Variants in ITGAM observed in about 807,000 individuals in gnomAD.
ITGAM encodes the protein integrin alpha-M.
In ITGAM, 79 loss-of-function variants were observed where a neutral mutation model predicts 137.5. The ratio of observed to expected loss-of-function variants is 0.57; its 90% CI spans 0.48 to 0.69. The LOEUF (loss-of-function observed/expected upper bound fraction) is 0.69, where lower values mean the gene tolerates loss of function less well. Among genes scored for constraint, ITGAM ranks in the 30% least tolerant of loss-of-function variants. The pLI, the probability that ITGAM is intolerant of heterozygous loss-of-function variation, is 0.00. For synonymous variants in ITGAM, 583 were observed against 592.3 expected, an observed-to-expected ratio of 0.98 and a Z score of 0.23; for missense variants, 1,343 against 1,483.5, an observed-to-expected ratio of 0.91 and a Z score of 1.56.
Position 31,259,975 on chromosome 16 carries a change from C to A in ITGAM, c.-90C>A. 1 of 1,113,788 alleles carries A rather than the reference C, an allele frequency of 9.0e-7. No homozygotes were observed. The highest frequency in any genetic ancestry group is 1.3e-6 in the Non-Finnish European group (1 of 746,616). 69.0% of individuals were successfully genotyped at this position (1,113,788 alleles called of 1,614,324 possible). ...CTGCCTCCTACTTCTCCTTTTCTGCCCTTCTTTGCTTTGGTGGCTTCCTTG... is the reference window on the plus strand; with the variant it reads ...CTGCCTCCTACTTCTCCTTTTCTGCACTTCTTTGCTTTGGTGGCTTCCTTG... On this transcript the variant is annotated 5_prime_UTR_variant, in exon 1 of 30. Coordinates refer to ENST00000544665, the MANE Select transcript of ITGAM (RefSeq NM_000632.4).
At chr16:31,282,547 T>C (rs1293348458) in intron 12 of ITGAM, among the ~76,000 whole-genome samples, 1 of 152,122 alleles carries the variant, frequency 6.6e-6, no homozygotes, top group Non-Finnish European at 1.5e-5. Flanking sequence ...CAACCCCTGG[T>C]TTTTTCTGTT....
At chr16:31,289,050 A>G (rs932712583) in intron 12 of ITGAM, among the ~76,000 whole-genome samples, 65 of 152,328 alleles carry the variant, frequency 4.3e-4, no homozygotes, top group African/African-American at 1.1e-3. Context: ...CAAAATCACA[A>G]TGAGATACCA....
chr16:31,325,591 T>C lies in ITGAM; in HGVS notation c.2597T>C (p.Ile866Thr), dbSNP rs201337101. 2.0e-4 allele frequency: 327 copies of C among 1,613,800 alleles called. 1 individual carries two copies. The highest frequency in any genetic ancestry group is 5.0e-5 in the Admixed American group (3 of 59,978). ...GCCTTGAAGAGCACCAGCTGCAGCA[T>C]AAACCACCCCATCTTCCCGGAAAAC... Reference protein sequence around the residue: ...SGALKSTSCSINHPIFPENSE... With the variant: ...SGALKSTSCSTNHPIFPENSE... The change falls in exon 21 of 30, where the codon ATA becomes ACA. Residue 866 changes from isoleucine to threonine, a missense_variant. Ile to Thr is a moderately conservative substitution (Grantham distance 89, BLOSUM62 -1). Coordinates refer to ENST00000544665, the MANE Select transcript of ITGAM (RefSeq NM_000632.4).
chr16:31,311,455 C>A (rs1260206068), intron 14 of ITGAM, among the ~76,000 whole-genome samples: 2 of 152,066 alleles, frequency 1.3e-5, no homozygotes, highest in Non-Finnish European at 2.9e-5. Flanking sequence ...ACAAACAACC[C>A]CATCAAAAAG....
rs551470084 is a variant in ITGAM, at chr16:31,275,610, C to A, written c.920C>A (p.Pro307Gln). The A allele has an allele frequency of 1.4e-5, 22 of 1,613,922 alleles. No individual in the cohort carries two copies. Among genetic ancestry groups the A allele is most frequent in the Non-Finnish European group, 1.8e-5 (21 of 1,179,852 alleles). ...GAGCTTAATACCATCGCATCCAAGC[C>A]GCCTCGTGATCACGTGTTCCAGGTG... ...RQELNTIASKPPRDHVFQVNN... is the reference protein window; with the variant it reads ...RQELNTIASKQPRDHVFQVNN... The change falls in exon 9 of 30, where the codon CCG becomes CAG. Residue 307 changes from proline to glutamine, a missense_variant. By Grantham distance (76) the Pro-to-Gln change is moderately conservative (BLOSUM62 -1). Transcript: ENST00000544665.
chr16:31,283,755 G>A (rs1445638651), intron 12 of ITGAM, among the ~76,000 whole-genome samples: 16 of 152,174 alleles, frequency 1.1e-4, no homozygotes, highest in Admixed American at 5.2e-4. Context: ...GTCCAGCTTC[G>A]TTCCATTGCT....
chr16:31,306,068 C>T lies in ITGAM; in HGVS notation c.1707+8114C>T, dbSNP rs573833563. On this transcript the variant is annotated intron_variant, in intron 14 of 29. Transcript: ENST00000544665. ...AATTCTTTGAATGTCTGTTAAAATT[C>T]AGCTGTGAAACCTTCTGGTCCTGGG... Among the ~76,000 whole-genome samples, 6 of 152,236 alleles carry T rather than the reference C, an allele frequency of 3.9e-5. No homozygotes were observed. In the South Asian group the frequency reaches 1.2e-3, roughly 32 times the overall value.
In ITGAM at chr16:31,315,724, G is replaced by T. The variant is rs192991113; in HGVS notation, c.1708-5517G>T. Among the ~76,000 whole-genome samples the T allele has an allele frequency of 2.3e-3, 349 of 152,124 alleles. 3 individuals are homozygous for T. The highest frequency in any genetic ancestry group is 0.016 in the Admixed American group (252 of 15,276). On this transcript the variant is annotated intron_variant, in intron 14 of 29. Transcript: ENST00000544665. ...TCCACCCGCCTCAGTCTCCTAAAGT[G>T]CTGGGATTACAGGCGTGAGCCACTG... is the stretch of plus-strand genomic sequence containing the variant.
intron 11 of ITGAM, 47 bp from the exon 12 acceptor site, chr16:31,277,920 A>T: frequency 6.5e-7 from 1 of 1,542,812 alleles, no homozygotes; most frequent in Non-Finnish European, 8.8e-7. Flanking sequence ...TGCATGGTGG[A>T]GGAGGGGGCA....
intron 8 of ITGAM, 39 bp downstream of exon 8, chr16:31,273,557 G>C (rs761515348): frequency 6.2e-6 from 10 of 1,601,180 alleles, no homozygotes; most frequent in Non-Finnish European, 7.7e-6. Context: ...TTCTGTGGAG[G>C]GTTTCTATGT....
At position 31,331,680 on chromosome 16, in the gene ITGAM, G is replaced by C. The variant is rs371563299; in HGVS notation, c.3432G>C (p.Gly1144=). ...KRQYKDMMSE[G]GPPGAEPQ The stretch of plus-strand genomic sequence containing the variant: ...AATACAAGGACATGATGAGTGAAGG[G>C]GGTCCCCCGGGGGCCGAACCCCAGT... Residue 1144 remains glycine (G), a synonymous_variant, in exon 30 of 30, where the codon GGG becomes GGC. Transcript: ENST00000544665. 1.9e-6 allele frequency: 3 copies of C among 1,609,340 alleles called. No homozygotes were observed. The highest frequency in any genetic ancestry group is 2.5e-6 in the Non-Finnish European group (3 of 1,178,190).
rs556665636 is a variant in ITGAM at position 31,263,669 on chromosome 16, T to C, written c.135-1726T>C. Among the ~76,000 whole-genome samples the C allele has an allele frequency of 5.8e-4, 87 of 151,162 alleles. 1 individual carries two copies. In the East Asian group the frequency reaches 9.4e-3, roughly 16 times the overall value. On this transcript the variant is annotated intron_variant, in intron 2 of 29. Coordinates refer to ENST00000544665, the MANE Select transcript of ITGAM (RefSeq NM_000632.4). ...ATCTGTTGGCCATTTTTCTTTCTTT[T>C]TTTTTTTTTTTACTAGTTTGTACAA...
At chr16:31,290,863 G>GT (rs1045065843) in intron 12 of ITGAM, among the ~76,000 whole-genome samples, 3 of 152,082 alleles carry the variant, frequency 2.0e-5, no homozygotes, top group South Asian at 4.1e-4. Context: ...ATGATAATAG[G>GT]TTTTTTCAGT....
At position 31,331,758 on chromosome 16, in the gene ITGAM, A is replaced by G; in HGVS notation, c.*51A>G. 2.1e-6 allele frequency: 3 copies of G among 1,398,628 alleles called. No homozygotes were observed. The highest frequency in any genetic ancestry group is 1.4e-5 in the African/African-American group (1 of 69,710). 86.6% of individuals were successfully genotyped at this position (1,398,628 alleles called of 1,614,324 possible). ...CTCGGTGGCCAGCAGGACTCTGCCC[A>G]GACCACACGTAGCCCCCAGGCTGCT... On this transcript the variant is annotated 3_prime_UTR_variant, in exon 30 of 30. Transcript: ENST00000544665.
rs548752771 is a variant in ITGAM, at chr16:31,262,263, T to C, written c.134+466T>C. ...CCTCCCTTCCTTCCTTCCTTCCTTC[T>C]TTCCTTCCTTCCTTCCTCCCTCTCT... On this transcript the variant is annotated intron_variant, in intron 2 of 29. Coordinates refer to ENST00000544665, the MANE Select transcript of ITGAM (RefSeq NM_000632.4). Among the ~76,000 whole-genome samples the C allele has an allele frequency of 2.2e-4, 32 of 144,612 alleles. No homozygotes were observed. In the East Asian group the frequency reaches 5.2e-3, roughly 23 times the overall value. The allele number at this position is 144,612 out of a possible 152,430, so 94.9% of individuals were successfully genotyped here. A position where few individuals can be genotyped will look rare whatever the true frequency, so the allele number is the denominator to read the frequency against.
rs777820472 is a variant in ITGAM at position 31,270,953 on chromosome 16, G to T, written c.428-1G>T. The T allele has an allele frequency of 2.0e-6, 3 of 1,507,022 alleles. No homozygotes were observed. The highest frequency in any genetic ancestry group is 2.8e-5 in the African/African-American group (2 of 71,978). The allele number at this position is 1,507,022 out of a possible 1,614,324, so 93.4% of individuals were successfully genotyped here. ...ATTCATACTCTTTTCCCCTTCCCCA[G>T]GGTGTCCTCAAGAGGATAGTGACAT... On this transcript the variant is annotated splice_acceptor_variant, in intron 5 of 29. Coordinates refer to ENST00000544665, the MANE Select transcript of ITGAM (RefSeq NM_000632.4). LOFTEE classifies it high-confidence loss of function.
chr16:31,331,551 C>T (rs1044614418), intron 29 of ITGAM, 85 bp from the exon 30 acceptor site: 6 of 729,806 alleles, frequency 8.2e-6, no homozygotes, highest in African/African-American at 5.3e-5. Flanking sequence ...CTGTCTCTGC[C>T]GGCCCTCCCG....
At chr16:31,297,452 G>C (rs1033066099) in intron 12 of ITGAM, 62 bp from the exon 13 acceptor site, 212 of 1,605,348 alleles carry the variant, frequency 1.3e-4, no homozygotes, top group Non-Finnish European at 3.4e-5. Flanking sequence ...TTCAGAGAGA[G>C]AAAACCTCCA....
At chr16:31,310,957 C>A (rs1053806946) in intron 14 of ITGAM, among the ~76,000 whole-genome samples, 4 of 152,102 alleles carry the variant, frequency 2.6e-5, no homozygotes, top group African/African-American at 9.7e-5. Flanking sequence ...TGGAACAGAA[C>A]TGAGCACTCA....
Sources: gnomAD v4.1 joint callset for allele counts (sites outside exome capture counted in the v4.1 genomes callset) on GRCh38, gnomAD v4.1.1 for gene constraint, MANE v1.5 for transcripts, NCBI Gene and HGNC (gene_info 2026-07-23, HGNC 2026-07-21) for gene names.